SNX30: variants seen among roughly 807,000 people sequenced by gnomAD.
The protein encoded by SNX30 is sorting nexin family member 30, also known as sorting nexin-30.
In SNX30, 24 loss-of-function variants were observed where a neutral mutation model predicts 46.4. The observed-to-expected ratio is 0.52, with a 90% CI of 0.37 to 0.73. The LOEUF (loss-of-function observed/expected upper bound fraction) is 0.73. SNX30 is among the 30% of genes least tolerant of loss of function. The pLI is 0.00. For synonymous variants in SNX30, 189 were observed against 211.5 expected (o/e 0.89, Z 0.92); for missense variants, 533 against 555.7 (o/e 0.96, Z 0.41).
intron 1 of SNX30, among the ~76,000 whole-genome samples, chr9:112,804,263 CA>C (rs1840186719): frequency 6.6e-6 from 1 of 152,136 alleles, no homozygotes; most frequent in Admixed American, 6.6e-5. Flanking sequence ...CTCCCAGGTT[CA>C]AGCAATTCTC....
chr9:112,841,533 G>A (rs1840859471), intron 6 of SNX30, among the ~76,000 whole-genome samples: 1 of 152,194 alleles, frequency 6.6e-6, no homozygotes, highest in African/African-American at 2.4e-5. Context: ...GTGTGGACTG[G>A]CAGTCTCTGA....
At chr9:112,884,653 T>C (rs1291120818), downstream of SNX30, among the ~76,000 whole-genome samples, 1 of 152,264 alleles carries the variant, frequency 6.6e-6, no homozygotes. Flanking sequence ...TGTTTGCACG[T>C]GTCTCTCTAT....
intron 1 of SNX30, among the ~76,000 whole-genome samples, chr9:112,764,515 T>C (rs1309922101): frequency 6.6e-6 from 1 of 152,156 alleles, no homozygotes; most frequent in South Asian, 2.1e-4. Flanking sequence ...TAGCTTGGAC[T>C]GTGGGCATGT....
intron 2 of SNX30, among the ~76,000 whole-genome samples, chr9:112,813,289 G>A (rs1032183199): frequency 1.2e-4 from 18 of 150,934 alleles, no homozygotes; most frequent in Admixed American, 2.7e-4. Flanking sequence ...ATAGTGAGAC[G>A]CCTATCTCTA....
chr9:112,753,305 A>C (rs1210730953), intron 1 of SNX30, among the ~76,000 whole-genome samples: 2 of 152,158 alleles, frequency 1.3e-5, no homozygotes, highest in Non-Finnish European at 2.9e-5. Flanking sequence ...AGTCAGTCTC[A>C]AGTCTAATTA....
chr9:112,864,176 G>A, intron 7 of SNX30, 71 bp from the exon 8 acceptor site: 2 of 1,504,834 alleles, frequency 1.3e-6, no homozygotes, highest in Non-Finnish European at 9.2e-7. Flanking sequence ...ACAAATGTGT[G>A]CTCAGAGGAG....
rs923925922 is a variant in SNX30, at chr9:112,870,777, A to T, written c.*1934A>T. 2 of 152,262 alleles carry T rather than the reference A, an allele frequency of 1.3e-5. No homozygotes were observed. The highest frequency in any genetic ancestry group is 2.9e-5 in the Non-Finnish European group (2 of 68,060). 9.4% of individuals were successfully genotyped at this position (152,262 alleles called of 1,614,324 possible). A position where few individuals can be genotyped will look rare whatever the true frequency, so the allele number is the denominator to read the frequency against. On this transcript the variant is annotated 3_prime_UTR_variant, in exon 9 of 9. Transcript: ENST00000374232. ...ATGGCGAGCTGACAGCCCTCTGCTG[A>T]TATTTGGCAGAAGGCACCAGACCAG...
intron 5 of SNX30, among the ~76,000 whole-genome samples, chr9:112,837,254 C>T (rs1840771789): frequency 6.6e-6 from 1 of 151,774 alleles, no homozygotes; most frequent in Non-Finnish European, 1.5e-5. Flanking sequence ...CTACTTGACC[C>T]ACTGATGATA....
intron 3 of SNX30, among the ~76,000 whole-genome samples, chr9:112,818,922 C>T (rs966609738): frequency 2.0e-5 from 3 of 152,160 alleles, no homozygotes; most frequent in Non-Finnish European, 2.9e-5. Context: ...TTCTGTTCTC[C>T]GAGCCTGAAG....
At chr9:112,848,085 C>T (rs1373581696) in intron 6 of SNX30, among the ~76,000 whole-genome samples, 1 of 151,682 alleles carries the variant, frequency 6.6e-6, no homozygotes. Context: ...GCAGGTGGCG[C>T]GAGGCATGAG....
Position 112,862,391 on chromosome 9 carries a change from C to T in SNX30, c.1102-1856C>T, listed in dbSNP as rs780766821. Among the ~76,000 whole-genome samples, 89 of 152,242 alleles carry T rather than the reference C, an allele frequency of 5.8e-4. 1 individual carries two copies. The highest frequency in any genetic ancestry group is 2.1e-4 in the South Asian group (1 of 4,826). ...GCAAGTGTGAGCAGTGGCCAGGAGA[C>T]GGGTAAGGGAACTGGCCTGTGCCTG... On this transcript the variant is annotated intron_variant, in intron 7 of 8. Transcript: ENST00000374232.
At chr9:112,778,082 G>A (rs529057735) in intron 1 of SNX30, among the ~76,000 whole-genome samples, 10 of 152,190 alleles carry the variant, frequency 6.6e-5, no homozygotes, top group African/African-American at 2.4e-4. Flanking sequence ...TGACTCACTT[G>A]TGGCCACAGT....
intron 2 of SNX30, among the ~76,000 whole-genome samples, chr9:112,806,680 G>C (rs1319842290): frequency 6.6e-6 from 1 of 152,100 alleles, no homozygotes; most frequent in African/African-American, 2.4e-5. Flanking sequence ...TAAAAGAAGC[G>C]ATGCTGAAGG....
intron 1 of SNX30, among the ~76,000 whole-genome samples, chr9:112,789,616 A>G (rs899777439): frequency 2.0e-5 from 3 of 152,220 alleles, no homozygotes; most frequent in Admixed American, 6.5e-5. Flanking sequence ...GGAATTGTGT[A>G]TGGTAAATGC....
intron 1 of SNX30, among the ~76,000 whole-genome samples, chr9:112,770,312 C>T (rs551051928): frequency 9.9e-4 from 151 of 152,078 alleles, no homozygotes; most frequent in African/African-American, 3.3e-3. Context: ...GCTGGGATTA[C>T]AGGCACCTGC....
rs78229079 is a variant in SNX30 at position 112,842,190 on chromosome 9, G to T, written c.1014+3493G>T. Among the ~76,000 whole-genome samples, 72 of 152,316 alleles carry T rather than the reference G, an allele frequency of 4.7e-4. No homozygotes were observed. In the East Asian group the frequency reaches 0.014, roughly 29 times the overall value. ...ACTCCTGACCTCAAGTGATCTGCCT[G>T]CCCTGGCCTCCCAAAATGCTGGGAT... is the stretch of plus-strand genomic sequence containing the variant. On this transcript the variant is annotated intron_variant, in intron 6 of 8. Coordinates refer to ENST00000374232, the MANE Select transcript of SNX30 (RefSeq NM_001012994.2).
intron 1 of SNX30, among the ~76,000 whole-genome samples, chr9:112,776,455 T>G (rs1202866817): frequency 6.6e-6 from 1 of 152,260 alleles, no homozygotes; most frequent in Admixed American, 6.5e-5. Flanking sequence ...GATGATGATC[T>G]TGGCCAAGGA....
chr9:112,787,280 C>T (rs985286305), intron 1 of SNX30, among the ~76,000 whole-genome samples: 1 of 152,094 alleles, frequency 6.6e-6, no homozygotes, highest in Non-Finnish European at 1.5e-5. Context: ...ACAGGGAGAA[C>T]CTGTTCTGTA....
At chr9:112,865,651 A>ATGTGTGTGTGTGTGTGTGTGTGTG (rs1170776453) in intron 8 of SNX30, among the ~76,000 whole-genome samples, 5 of 86,148 alleles carry the variant, frequency 5.8e-5, no homozygotes, top group Admixed American at 4.5e-4. Context: ...ATATATATAT[A>ATGTGTGTGTGTGTGTGTGTGTGTG]TATATATATA....
Sources: gnomAD v4.1 joint callset for allele counts (sites outside exome capture counted in the v4.1 genomes callset) on GRCh38, gnomAD v4.1.1 for gene constraint, MANE v1.5 for transcripts, NCBI Gene and HGNC (gene_info 2026-07-23, HGNC 2026-07-21) for gene names.